Variants in WFDC1 observed in about 807,000 individuals in gnomAD.
WFDC1 encodes the protein WAP four-disulfide core domain protein 1.
WFDC1 carries 39 observed loss-of-function variants against 32.9 expected under a neutral mutation model. The ratio of observed to expected loss-of-function variants is 1.19; its 90% CI spans 0.92 to 1.55. The LOEUF (loss-of-function observed/expected upper bound fraction) is 1.55. Among genes scored for constraint, WFDC1 ranks in the 40% most tolerant of loss-of-function variants. The pLI is 0.00. For synonymous variants in WFDC1, 184 were observed against 137.4 expected, an observed-to-expected ratio of 1.34 and a Z score of -2.37; for missense variants, 386 against 309.5, an observed-to-expected ratio of 1.25 and a Z score of -1.85.
chr16:84,306,377 G>C (rs1318739146), intron 1 of WFDC1, among the ~76,000 whole-genome samples: 1 of 152,178 alleles, frequency 6.6e-6, no homozygotes, highest in African/African-American at 2.4e-5. Flanking sequence ...TGGAGGTTCA[G>C]CTGTGAAAAA....
intron 2 of WFDC1, chr16:84,316,371 A>G (rs946086998): frequency 5.3e-5 from 8 of 152,248 alleles, no homozygotes; most frequent in Non-Finnish European, 1.0e-4. Context: ...AAAGATAAAT[A>G]TTAGTAATTT....
Position 84,314,751 on chromosome 16 carries a change from C to T in WFDC1, c.337+1598C>T, listed in dbSNP as rs1395194807. 2.0e-5 allele frequency among the ~76,000 whole-genome samples: 3 copies of T among 152,200 alleles called. No homozygotes were observed. In the East Asian group the frequency reaches 5.8e-4, roughly 29 times the overall value. Reference sequence around the variant, plus strand: ...TTCATAAGAAAACCTAAATGTTGCCCCTCATGGTGGACAAGCACATAAAGG... The same window carrying T: ...TTCATAAGAAAACCTAAATGTTGCCTCTCATGGTGGACAAGCACATAAAGG... On this transcript the variant is annotated intron_variant, in intron 2 of 6. Coordinates refer to ENST00000219454, the MANE Select transcript of WFDC1 (RefSeq NM_021197.4).
At chr16:84,305,081 C>T (rs999877703) in intron 1 of WFDC1, among the ~76,000 whole-genome samples, 1 of 152,190 alleles carries the variant, frequency 6.6e-6, no homozygotes, top group Non-Finnish European at 1.5e-5. Context: ...TTTTTTTGTG[C>T]CTCAGTTTCC....
rs924505017 is a variant in WFDC1 at position 84,313,080 on chromosome 16, G to A, written c.264G>A (p.Glu88=). 1.4e-6 allele frequency: 2 copies of A among 1,424,712 alleles called. No individual in the cohort carries two copies. 88.3% of individuals were successfully genotyped at this position (1,424,712 alleles called of 1,614,324 possible). A position where few individuals can be genotyped will look rare whatever the true frequency, so the allele number is the denominator to read the frequency against. ...CQAARCQADS[E]CPRHRRCCYN... Reference sequence around the variant, plus strand: ...CCGCGCGCTGTCAGGCGGACTCCGAGTGCCCGCGGCACCGGCGCTGCTGCT... The same window carrying A: ...CCGCGCGCTGTCAGGCGGACTCCGAATGCCCGCGGCACCGGCGCTGCTGCT... The change falls in exon 2 of 7, where the codon GAG becomes GAA. Residue 88 remains glutamate (E), a synonymous_variant. Coordinates refer to ENST00000219454, the MANE Select transcript of WFDC1 (RefSeq NM_021197.4).
At chr16:84,306,987 G>C (rs554413050) in intron 1 of WFDC1, among the ~76,000 whole-genome samples, 31 of 152,310 alleles carry the variant, frequency 2.0e-4, no homozygotes, top group Admixed American at 6.5e-4. Context: ...AGCAGGGAGA[G>C]GGGGAAGGGA....
At chr16:84,303,091 C>G (rs867567889) in intron 1 of WFDC1, among the ~76,000 whole-genome samples, 1 of 150,940 alleles carries the variant, frequency 6.6e-6, no homozygotes, top group East Asian at 1.9e-4. Context: ...GTCCCCAGAG[C>G]CCAGTGTTAA....
chr16:84,324,549 G>A, intron 5 of WFDC1, 89 bp downstream of exon 5: 1 of 1,466,872 alleles, frequency 6.8e-7, no homozygotes, highest in African/African-American at 1.4e-5. Flanking sequence ...AAAAGCCCAG[G>A]GCTGAGATAT....
intron 1 of WFDC1, among the ~76,000 whole-genome samples, chr16:84,302,769 A>G (rs541085869): frequency 3.9e-5 from 6 of 152,126 alleles, no homozygotes; most frequent in Non-Finnish European, 8.8e-5. Context: ...CTTGTCCTGA[A>G]ACAGCCACGT....
chr16:84,326,777 A>T, intron 5 of WFDC1, 105 bp from the exon 6 acceptor site: 2 of 1,364,036 alleles, frequency 1.5e-6, no homozygotes, highest in Non-Finnish European at 1.0e-6. Flanking sequence ...GAGGGAGGAG[A>T]GGGCCAGGTC....
At chr16:84,311,463 C>G (rs1324695863) in intron 1 of WFDC1, among the ~76,000 whole-genome samples, 1 of 147,128 alleles carries the variant, frequency 6.8e-6, no homozygotes, top group Non-Finnish European at 1.5e-5. Context: ...CTCCTGACCT[C>G]ATGATCCACC....
chr16:84,308,528 A>G (rs1907405125), intron 1 of WFDC1, among the ~76,000 whole-genome samples: 1 of 152,222 alleles, frequency 6.6e-6, no homozygotes, highest in African/African-American at 2.4e-5. Context: ...TGAGGACTAA[A>G]GGGTGATTTG....
chr16:84,308,870 C>A (rs541017249), intron 1 of WFDC1, among the ~76,000 whole-genome samples: 2 of 151,608 alleles, frequency 1.3e-5, no homozygotes, highest in South Asian at 4.2e-4. Context: ...GGTGTAGACG[C>A]CAGCCTGGGC....
At chr16:84,301,671 C>G (rs1002401564) in intron 1 of WFDC1, among the ~76,000 whole-genome samples, 10 of 152,172 alleles carry the variant, frequency 6.6e-5, no homozygotes, top group African/African-American at 1.2e-4. Flanking sequence ...ATATGTCGTA[C>G]TGATGTGAAG....
rs535968354 is a variant in WFDC1, at chr16:84,310,643, G to C, written c.145-2318G>C. Among the ~76,000 whole-genome samples, 24 of 152,056 alleles carry C rather than the reference G, an allele frequency of 1.6e-4. 1 individual carries two copies. Among genetic ancestry groups the C allele is most frequent in the Non-Finnish European group, 3.1e-4 (21 of 68,022 alleles). The stretch of plus-strand genomic sequence containing the variant: ...TGATCTTGTGTATCCTTCCAAAAAC[G>C]TTCTCAGCCTATGCAAATAGATATA... On this transcript the variant is annotated intron_variant, in intron 1 of 6. Transcript: ENST00000219454.
At chr16:84,321,581 A>G (rs529373249) in intron 4 of WFDC1, among the ~76,000 whole-genome samples, 1 of 152,338 alleles carries the variant, frequency 6.6e-6, no homozygotes, top group South Asian at 2.1e-4. Context: ...TCTAAGACCA[A>G]GGTCAAACCA....
At chr16:84,301,103 T>C (rs948126989) in intron 1 of WFDC1, among the ~76,000 whole-genome samples, 1 of 151,946 alleles carries the variant, frequency 6.6e-6, no homozygotes, top group African/African-American at 2.4e-5. Flanking sequence ...CCAGAGAACA[T>C]GAGGGACTGC....
chr16:84,328,729 A>C (rs1908747714), intron 6 of WFDC1: 1 of 150,396 alleles, frequency 6.6e-6, no homozygotes, highest in Admixed American at 6.7e-5. Context: ...CATATGGTAT[A>C]ATCCCAGGAG....
At chr16:84,310,756 C>T (rs1426739315) in intron 1 of WFDC1, among the ~76,000 whole-genome samples, 1 of 152,166 alleles carries the variant, frequency 6.6e-6, no homozygotes, top group Non-Finnish European at 1.5e-5. Context: ...CTTCATGAGC[C>T]GCCATATCCT....
At chr16:84,320,116 G>A (rs1448559557) in intron 4 of WFDC1, among the ~76,000 whole-genome samples, 1 of 152,136 alleles carries the variant, frequency 6.6e-6, no homozygotes, top group East Asian at 1.9e-4. Flanking sequence ...CAACCATTCT[G>A]TTTTTCACTT....
Sources: allele counts gnomAD v4.1 joint callset (sites outside exome capture counted in the v4.1 genomes callset), GRCh38; gene constraint gnomAD v4.1.1; transcripts MANE v1.5; gene names NCBI Gene and HGNC (gene_info 2026-07-23, HGNC 2026-07-21).